The following XXYLT1 variants were observed in gnomAD, a reference collection of about 807,000 sequenced individuals.
The protein encoded by XXYLT1 is xyloside xylosyltransferase 1.
A neutral mutation model predicts 28.9 loss-of-function variants in XXYLT1; 20 were observed. The ratio of observed to expected loss-of-function variants is 0.69; its 90% CI spans 0.49 to 1.00. The LOEUF (loss-of-function observed/expected upper bound fraction) is 1.00, where lower values mean the gene tolerates loss of function less well. Among genes scored for constraint, XXYLT1 ranks in the 50% least tolerant of loss-of-function variants. The pLI is 0.00. For missense variants in XXYLT1, 542 were observed against 560.1 expected (o/e 0.97, Z 0.33); for synonymous variants, 257 against 253.8 (o/e 1.01, Z -0.12).
intron 2 of XXYLT1, among the ~76,000 whole-genome samples, chr3:195,171,078 T>C (rs1004866282): frequency 6.6e-6 from 1 of 152,192 alleles, no homozygotes; most frequent in Admixed American, 6.5e-5. Flanking sequence ...AACTTGCTAC[T>C]GCCTAAAGTG....
intron 3 of XXYLT1, among the ~76,000 whole-genome samples, chr3:195,099,830 CAAAAAAA>C (rs35428286): frequency 6.7e-4 from 65 of 97,226 alleles, no homozygotes; most frequent in African/African-American, 2.1e-3. Context: ...GACTCTGTCT[CAAAAAAA>C]AAAAAAAAAA....
chr3:195,229,241 CTATT>C (rs1485474673), intron 1 of XXYLT1, among the ~76,000 whole-genome samples: 1 of 151,912 alleles, frequency 6.6e-6, no homozygotes, highest in Non-Finnish European at 1.5e-5. Flanking sequence ...AACTTTGTTA[CTATT>C]TTTTTATTTT....
chr3:195,107,037 A>G (rs1279472337), intron 3 of XXYLT1, among the ~76,000 whole-genome samples: 2 of 152,196 alleles, frequency 1.3e-5, no homozygotes, highest in East Asian at 1.9e-4. Context: ...ATTAGAAAAT[A>G]AAAATAAATC....
chr3:195,097,476 G>T (rs370198637), intron 3 of XXYLT1, among the ~76,000 whole-genome samples: 12 of 152,304 alleles, frequency 7.9e-5, no homozygotes, highest in African/African-American at 2.9e-4. Flanking sequence ...GCACTGTTGT[G>T]TTTATATCTG....
At chr3:195,190,805 T>C (rs1331421235) in intron 2 of XXYLT1, among the ~76,000 whole-genome samples, 1 of 152,080 alleles carries the variant, frequency 6.6e-6, no homozygotes, top group Non-Finnish European at 1.5e-5. Flanking sequence ...TTCTGTTTTA[T>C]AGGAATTAAG....
chr3:195,117,114 TACACACACACACACAC>T (rs10633458), intron 3 of XXYLT1, among the ~76,000 whole-genome samples: 3 of 148,630 alleles, frequency 2.0e-5, no homozygotes, highest in African/African-American at 7.4e-5. Context: ...ATATAGTGTA[TACACACACACACACAC>T]ACACACACAC....
At chr3:195,071,342 A>G (rs138027705) in intron 3 of XXYLT1, among the ~76,000 whole-genome samples, 60 of 152,336 alleles carry the variant, frequency 3.9e-4, no homozygotes, top group African/African-American at 1.3e-3. Context: ...GTGATGAAGC[A>G]GAAGGTACGG....
chr3:195,178,002 A>G (rs1451111310), intron 2 of XXYLT1, among the ~76,000 whole-genome samples: 1 of 151,862 alleles, frequency 6.6e-6, no homozygotes, highest in Non-Finnish European at 1.5e-5. Context: ...ATCAGTTACA[A>G]GGGTATATAA....
chr3:195,261,135 T>C (rs1299917669), intron 1 of XXYLT1, among the ~76,000 whole-genome samples: 6 of 152,182 alleles, frequency 3.9e-5, no homozygotes, highest in Admixed American at 6.5e-5. Context: ...TTTTATACAT[T>C]CTAAAGGCCT....
At chr3:195,154,581 G>A (rs60329099) in intron 3 of XXYLT1, among the ~76,000 whole-genome samples, 49,821 of 151,890 alleles carry the variant, frequency 0.33, 9,194 homozygotes, top group East Asian at 0.84. Context: ...GCACAACCTC[G>A]GTAAACACAC....
intron 3 of XXYLT1, among the ~76,000 whole-genome samples, chr3:195,099,709 C>T (rs9851740): frequency 0.12 from 17,778 of 151,742 alleles, 2,247 homozygotes; most frequent in African/African-American, 0.31. Context: ...TGGGCACCTG[C>T]AGTCCCAGCT....
intron 2 of XXYLT1, among the ~76,000 whole-genome samples, chr3:195,192,107 C>T (rs1016246634): frequency 1.3e-5 from 2 of 152,136 alleles, no homozygotes; most frequent in African/African-American, 4.8e-5. Context: ...CATACTAGGC[C>T]ACAAAACAAG....
At chr3:195,245,930 C>A (rs1577192908) in intron 1 of XXYLT1, among the ~76,000 whole-genome samples, 1 of 152,202 alleles carries the variant, frequency 6.6e-6, no homozygotes, top group African/African-American at 2.4e-5. Context: ...GCGCTGGCAC[C>A]ACCCTTCTCT....
Position 195,180,152 on chromosome 3 carries a change from G to T in XXYLT1, c.653-23571C>A, listed in dbSNP as rs1479562452. Among the ~76,000 whole-genome samples the T allele has an allele frequency of 6.6e-6, 1 of 152,216 alleles. No homozygotes were observed. Among genetic ancestry groups the T allele is most frequent in the Non-Finnish European group, 1.5e-5 (1 of 68,040 alleles). ...GGAAGGAGGGGAGCAAACAAGAGGG[G>T]CAGGGAGGGAGGCAGCTGTGTAGCA... is the stretch of plus-strand genomic sequence containing the variant. On this transcript the variant is annotated intron_variant, in intron 2 of 3. Transcript: ENST00000310380. This position sits in a 1 kb window ranked among gnomAD's most constrained non-coding sequence, Gnocchi z 5.8.
intron 2 of XXYLT1, chr3:195,175,550 G>T: frequency 6.5e-7 from 1 of 1,530,710 alleles, no homozygotes; most frequent in South Asian, 1.2e-5. Flanking sequence ...AGATTCCTAG[G>T]GGTAGTTAGG....
intron 3 of XXYLT1, among the ~76,000 whole-genome samples, chr3:195,108,399 T>C (rs1004954402): frequency 6.6e-6 from 1 of 152,250 alleles, no homozygotes; most frequent in African/African-American, 2.4e-5. Context: ...AGTAGCATCT[T>C]CCTAGTTTTT....
chr3:195,104,043 G>A (rs968505436), intron 3 of XXYLT1, among the ~76,000 whole-genome samples: 1 of 152,266 alleles, frequency 6.6e-6, no homozygotes, highest in Non-Finnish European at 1.5e-5. Context: ...GTGTTTGGGC[G>A]CCTTTTTAGA....
chr3:195,188,945 G>A (rs1444229494), intron 2 of XXYLT1, among the ~76,000 whole-genome samples: 1 of 152,176 alleles, frequency 6.6e-6, no homozygotes, highest in Non-Finnish European at 1.5e-5. Context: ...GCTTTCACCA[G>A]GTGTGTGATC....
In XXYLT1 at chr3:195,078,944, C is replaced by T. The variant is rs1318545039; in HGVS notation, c.786-8833G>A. The stretch of plus-strand genomic sequence containing the variant: ...AGCTACCCACTCGGCTCTCCATGAA[C>T]TTTGCGACCAGACGCACTCTGCTCC... On this transcript the variant is annotated intron_variant, in intron 3 of 3. Coordinates refer to ENST00000310380, the MANE Select transcript of XXYLT1 (RefSeq NM_152531.5). This position sits in a 1 kb window ranked among gnomAD's most constrained non-coding sequence, Gnocchi z 5.0. Among the ~76,000 whole-genome samples, 1 of 152,220 alleles carries T rather than the reference C, an allele frequency of 6.6e-6. No individual in the cohort carries two copies. The highest frequency in any genetic ancestry group is 1.5e-5 in the Non-Finnish European group (1 of 68,044).
Sources: gnomAD v4.1 joint callset for allele counts (sites outside exome capture counted in the v4.1 genomes callset) on GRCh38, gnomAD v4.1.1 for gene constraint, Gnocchi (gnomAD v3.1) non-coding constraint, MANE v1.5 for transcripts, NCBI Gene and HGNC (gene_info 2026-07-23, HGNC 2026-07-21) for gene names.